The following PLEKHM2 variants were observed in gnomAD, a reference collection of about 807,000 sequenced individuals.
PLEKHM2 encodes the protein pleckstrin homology and RUN domain containing M2.
PLEKHM2 carries 77 observed loss-of-function variants against 116.3 expected under a neutral mutation model. The ratio of observed to expected loss-of-function variants is 0.66; its 90% CI spans 0.55 to 0.80. PLEKHM2 has a LOEUF of 0.80. PLEKHM2 is among the 30% of genes least tolerant of loss of function. The pLI is 0.00. For synonymous variants in PLEKHM2, 562 were observed against 571.0 expected, an observed-to-expected ratio of 0.98 and a Z score of 0.22; for missense variants, 1,183 against 1,354.9, an observed-to-expected ratio of 0.87 and a Z score of 1.99.
At chr1:15,718,397 G>A in intron 4 of PLEKHM2, 141 bp from the exon 5 acceptor site, 1 of 645,154 alleles carries the variant, frequency 1.6e-6, no homozygotes, top group Non-Finnish European at 2.8e-6. Flanking sequence ...AGGGTGGTGG[G>A]CAACAGCTAT....
At chr1:15,699,420 C>T (rs547359909) in intron 1 of PLEKHM2, among the ~76,000 whole-genome samples, 8 of 152,260 alleles carry the variant, frequency 5.3e-5, no homozygotes, top group Admixed American at 1.3e-4. Context: ...TCAGTTCCCA[C>T]CTATGAAGGA....
chr1:15,722,965 A>C (rs1034766904), intron 7 of PLEKHM2: 17 of 152,020 alleles, frequency 1.1e-4, no homozygotes, highest in African/African-American at 4.1e-4. Context: ...GCCCAGTTGC[A>C]CTGCTTGCCT....
intron 1 of PLEKHM2, among the ~76,000 whole-genome samples, chr1:15,709,269 A>G (rs1242252328): frequency 6.6e-6 from 1 of 152,172 alleles, no homozygotes; most frequent in Admixed American, 6.5e-5. Flanking sequence ...AGGCTGGGTT[A>G]TATTTGTTAT....
chr1:15,727,654 G>C lies in PLEKHM2; in HGVS notation c.1582G>C (p.Glu528Gln), dbSNP rs1368143384. Reference sequence around the variant, plus strand: ...TACCACGAGGGAGGCTCAGGAGCTGGAGGCCCAGCTGTCCCTGGTCAGGGA... The same window carrying C: ...TACCACGAGGGAGGCTCAGGAGCTGCAGGCCCAGCTGTCCCTGGTCAGGGA... ...EDTTREAQEL[E>Q]AQLSLVREGP... is the part of the protein sequence containing the mutation. Residue 528 changes from glutamate (E) to glutamine (Q), a missense_variant, in exon 9 of 20, where the codon GAG (glutamate) becomes CAG (glutamine). Coordinates refer to ENST00000375799, the MANE Select transcript of PLEKHM2 (RefSeq NM_015164.4). This position sits in a 1 kb window ranked among gnomAD's most constrained non-coding sequence, Gnocchi z 7.5. 1.9e-6 allele frequency: 3 copies of C among 1,594,418 alleles called. No individual in the cohort carries two copies. The highest frequency in any genetic ancestry group is 2.6e-6 in the Non-Finnish European group (3 of 1,171,252).
At chr1:15,710,864 G>C (rs1341868777) in intron 1 of PLEKHM2, among the ~76,000 whole-genome samples, 1 of 152,152 alleles carries the variant, frequency 6.6e-6, no homozygotes, top group African/African-American at 2.4e-5. Flanking sequence ...GGAAGAGCTG[G>C]ACCATTAATT....
intron 1 of PLEKHM2, among the ~76,000 whole-genome samples, chr1:15,701,950 C>CG (rs956229878): frequency 5.6e-4 from 85 of 152,200 alleles, no homozygotes; most frequent in South Asian, 1.5e-3. Flanking sequence ...GATGCAAGCT[C>CG]GGGGGGGTAG....
At chr1:15,687,479 G>C (rs976133925) in intron 1 of PLEKHM2, among the ~76,000 whole-genome samples, 1 of 152,176 alleles carries the variant, frequency 6.6e-6, no homozygotes, top group Admixed American at 6.5e-5. Context: ...TAAACATGTA[G>C]AGTGTTTAGC....
In PLEKHM2 at chr1:15,729,027, C is replaced by G. The variant is rs2068104178; in HGVS notation, c.1987-75C>G. The G allele has an allele frequency of 7.2e-7, 1 of 1,382,570 alleles. No homozygotes were observed. The highest frequency in any genetic ancestry group is 1.4e-5 in the African/African-American group (1 of 69,966). The allele number at this position is 1,382,570 out of a possible 1,614,324, so 85.6% of individuals were successfully genotyped here. A position where few individuals can be genotyped will look rare whatever the true frequency, so the allele number is the denominator to read the frequency against. ...TGCTTCTTCCTCCCCAGCAAGCGCT[C>G]AGCCTGGCCAAGCTGCCTTCTCCGC... is the stretch of plus-strand genomic sequence containing the variant. On this transcript the variant is annotated intron_variant, in intron 12 of 19. Transcript: ENST00000375799. The surrounding 1 kb of genome is among the most constrained non-coding windows in gnomAD (Gnocchi z 4.7).
chr1:15,697,482 C>T (rs1641021423), intron 1 of PLEKHM2, among the ~76,000 whole-genome samples: 2 of 152,232 alleles, frequency 1.3e-5, no homozygotes, highest in South Asian at 4.1e-4. Context: ...GAAGAGGAAG[C>T]ATTTAGCTGC....
chr1:15,694,120 C>T (rs1212648782), intron 1 of PLEKHM2, among the ~76,000 whole-genome samples: 1 of 151,962 alleles, frequency 6.6e-6, no homozygotes, highest in Non-Finnish European at 1.5e-5. Flanking sequence ...TTGGGAGACC[C>T]AGGCGGGCAG....
chr1:15,709,415 A>C (rs1641283805), intron 1 of PLEKHM2, among the ~76,000 whole-genome samples: 1 of 152,130 alleles, frequency 6.6e-6, no homozygotes, highest in Admixed American at 6.5e-5. Context: ...TACAGCTAAG[A>C]GAGTGCCACT....
rs748502918 is a variant in PLEKHM2, at chr1:15,728,050, A to G, written c.1761-29A>G. The stretch of plus-strand genomic sequence containing the variant: ...CCTCTCTCACCGCTGCCTGCCTGAC[A>G]TCTCGCCCTCCTGACTTGGCCCTCA... On this transcript the variant is annotated intron_variant, in intron 9 of 19. Transcript: ENST00000375799. This position sits in a 1 kb window ranked among gnomAD's most constrained non-coding sequence, Gnocchi z 5.9. 31 of 1,579,866 alleles carry G rather than the reference A, an allele frequency of 2.0e-5. No homozygotes were observed. In the Admixed American group the frequency reaches 5.0e-4, roughly 25 times the overall value.
upstream of PLEKHM2, among the ~76,000 whole-genome samples, chr1:15,683,714 G>A (rs796559371): frequency 1.8e-3 from 269 of 151,154 alleles, 2 homozygotes; most frequent in African/African-American, 6.3e-3. Context: ...GTCCCCAGCA[G>A]GTGGGGTTGG....
chr1:15,710,228 A>G (rs1424666741), intron 1 of PLEKHM2, among the ~76,000 whole-genome samples: 1 of 110,676 alleles, frequency 9.0e-6, no homozygotes, highest in Non-Finnish European at 1.8e-5. Context: ...CTCCATCTCC[A>G]AAAAAAAAAA....
At chr1:15,693,981 C>CA (rs1474566371) in intron 1 of PLEKHM2, among the ~76,000 whole-genome samples, 2 of 152,156 alleles carry the variant, frequency 1.3e-5, no homozygotes, top group Non-Finnish European at 2.9e-5. Context: ...CTGGAGCTGG[C>CA]AGTGCCCTTC....
intron 1 of PLEKHM2, among the ~76,000 whole-genome samples, chr1:15,697,638 C>T (rs1033796695): frequency 1.3e-5 from 2 of 152,150 alleles, no homozygotes; most frequent in Non-Finnish European, 2.9e-5. Context: ...AATTCAAGTA[C>T]CTGCTTTTTT....
chr1:15,694,764 T>G (rs549073402), intron 1 of PLEKHM2, among the ~76,000 whole-genome samples: 3 of 151,922 alleles, frequency 2.0e-5, no homozygotes, highest in South Asian at 2.1e-4. Context: ...TTGTTTTTTT[T>G]TTTTGTTTTT....
chr1:15,725,487 AAGG>A lies in PLEKHM2; in HGVS notation c.890_892del (p.Glu297del). ...CCCCGTGCACACCACCTCTCAGGAG[AAGG>A]AGGAGGCCCAGGCCCTGGACCCGCC... On this transcript the variant is annotated inframe_deletion, in exon 8 of 20. Transcript: ENST00000375799. 2 of 1,581,846 alleles carry A rather than the reference AAGG, an allele frequency of 1.3e-6. No homozygotes were observed. Among genetic ancestry groups the A allele is most frequent in the Non-Finnish European group, 1.7e-6 (2 of 1,164,956 alleles).
rs1234039929 is a variant in PLEKHM2 at position 15,707,234 on chromosome 1, C to T, written c.61-9003C>T. Among the ~76,000 whole-genome samples, 3 of 145,176 alleles carry T rather than the reference C, an allele frequency of 2.1e-5. No homozygotes were observed. In the Admixed American group the frequency reaches 2.1e-4, roughly 10 times the overall value. ...CTCAGGAGTTTAAGACCAGCCTAGA[C>T]AACATAGCAAAACTCCATCTCTACA... On this transcript the variant is annotated intron_variant, in intron 1 of 19. Transcript: ENST00000375799.
Sources: allele counts gnomAD v4.1 joint callset (sites outside exome capture counted in the v4.1 genomes callset), GRCh38; gene constraint gnomAD v4.1.1; non-coding constraint Gnocchi (gnomAD v3.1); transcripts MANE v1.5; gene names NCBI Gene and HGNC (gene_info 2026-07-23, HGNC 2026-07-21).